ARHGAP6: variants seen among roughly 807,000 people sequenced by gnomAD.
The protein encoded by ARHGAP6 is rho GTPase-activating protein 6.
ARHGAP6 carries 16 observed loss-of-function variants against 55.7 expected under a neutral mutation model. That is an observed-to-expected ratio of 0.29 (90% CI 0.19 to 0.44). The LOEUF (loss-of-function observed/expected upper bound fraction) is 0.44, where lower values mean the gene tolerates loss of function less well. ARHGAP6 is among the 20% of genes least tolerant of loss of function. ARHGAP6 has a pLI of 1.00. For synonymous variants in ARHGAP6, 382 were observed against 360.9 expected (o/e 1.06, Z -0.66); for missense variants, 698 against 808.9 (o/e 0.86, Z 1.66).
intron 2 of ARHGAP6, among the ~76,000 whole-genome samples, chrX:11,214,406 C>T (rs2046848338): frequency 8.9e-6 from 1 of 112,550 alleles, no homozygotes; most frequent in African/African-American, 3.2e-5. Flanking sequence ...GTTGGAAGCA[C>T]ACAGGGCATG....
At chrX:11,190,480 T>TAC (rs201448949) in intron 3 of ARHGAP6, among the ~76,000 whole-genome samples, 17 of 99,521 alleles carry the variant, frequency 1.7e-4, no homozygotes, top group African/African-American at 4.4e-4. Flanking sequence ...TATATATATA[T>TAC]ACATATATCT....
intron 1 of ARHGAP6, among the ~76,000 whole-genome samples, chrX:11,525,574 C>A (rs1011552985): frequency 8.9e-6 from 1 of 111,872 alleles, no homozygotes; most frequent in African/African-American, 3.3e-5. Flanking sequence ...GCTTTTACTA[C>A]CCCATACTGC....
intron 1 of ARHGAP6, among the ~76,000 whole-genome samples, chrX:11,492,195 G>T (rs1403981341): frequency 8.3e-5 from 9 of 108,251 alleles, no homozygotes; most frequent in African/African-American, 3.0e-4. Context: ...CTTTTGCTGT[G>T]CAGAAGCTCT....
At chrX:11,663,334 C>G (rs1421588802) in intron 1 of ARHGAP6, among the ~76,000 whole-genome samples, 1 of 111,944 alleles carries the variant, frequency 8.9e-6, no homozygotes, top group Non-Finnish European at 1.9e-5. Flanking sequence ...TAAATTACAA[C>G]TGATGGAATC....
chrX:11,518,805 C>T (rs1366457705), intron 1 of ARHGAP6, among the ~76,000 whole-genome samples: 1 of 66,763 alleles, frequency 1.5e-5, no homozygotes, highest in African/African-American at 6.0e-5. Flanking sequence ...CCACCACAGT[C>T]CCCAGAGTGT....
intron 1 of ARHGAP6, among the ~76,000 whole-genome samples, chrX:11,413,624 G>GT (rs1207922954): frequency 9.0e-6 from 1 of 111,647 alleles, no homozygotes; most frequent in Non-Finnish European, 1.9e-5. Context: ...TCTGGATACA[G>GT]TAACATAAAA....
At chrX:11,372,270 C>CTA (rs1309442749) in intron 1 of ARHGAP6, among the ~76,000 whole-genome samples, 6 of 111,871 alleles carry the variant, frequency 5.4e-5, no homozygotes, top group African/African-American at 1.9e-4. Context: ...TATATACTGA[C>CTA]TATATGTTTA....
intron 1 of ARHGAP6, among the ~76,000 whole-genome samples, chrX:11,583,992 G>T (rs1245049173): frequency 8.9e-6 from 1 of 111,779 alleles, no homozygotes; most frequent in Non-Finnish European, 1.9e-5. Context: ...TATAAGAAAA[G>T]ATTTCTTTAA....
At chrX:11,390,553 C>T (rs1181815126) in intron 1 of ARHGAP6, among the ~76,000 whole-genome samples, 2 of 110,928 alleles carry the variant, frequency 1.8e-5, no homozygotes, top group African/African-American at 3.3e-5. Flanking sequence ...AAAATTTTTG[C>T]AATCTACTCA....
chrX:11,457,537 T>C (rs149972740), intron 1 of ARHGAP6, among the ~76,000 whole-genome samples: 2,584 of 111,645 alleles, frequency 0.023, 78 homozygotes, highest in African/African-American at 0.079. Context: ...TTTGAAAAGA[T>C]ATTCCAAAAG....
chrX:11,332,990 A>C (rs1427577155), intron 1 of ARHGAP6, among the ~76,000 whole-genome samples: 1 of 111,643 alleles, frequency 9.0e-6, no homozygotes, highest in African/African-American at 3.3e-5. Context: ...TCTGCTTTCC[A>C]TATTCAATGA....
chrX:11,587,511 C>T (rs1210164632), intron 1 of ARHGAP6, among the ~76,000 whole-genome samples: 2 of 111,752 alleles, frequency 1.8e-5, no homozygotes, highest in East Asian at 5.6e-4. Flanking sequence ...CCAAGAACTA[C>T]AGCCAGCAAG....
intron 3 of ARHGAP6, among the ~76,000 whole-genome samples, chrX:11,195,929 C>T (rs1032691860): frequency 1.4e-4 from 12 of 82,773 alleles, no homozygotes; most frequent in African/African-American, 4.4e-4. Flanking sequence ...TCCTGGCTAA[C>T]GTGGTGAAAC....
At chrX:11,652,832 G>A (rs1284774288) in intron 1 of ARHGAP6, among the ~76,000 whole-genome samples, 1 of 111,836 alleles carries the variant, frequency 8.9e-6, no homozygotes, top group Non-Finnish European at 1.9e-5. Context: ...ATTTAAGCAC[G>A]ACATGGATGT....
intron 1 of ARHGAP6, among the ~76,000 whole-genome samples, chrX:11,356,513 T>A (rs915326746): frequency 8.9e-6 from 1 of 112,235 alleles, no homozygotes; most frequent in Admixed American, 9.4e-5. Context: ...CTAGGATATA[T>A]GACCTCAACC....
At chrX:11,177,493 G>A (rs1328539643) in intron 8 of ARHGAP6, among the ~76,000 whole-genome samples, 1 of 110,899 alleles carries the variant, frequency 9.0e-6, no homozygotes, top group Non-Finnish European at 1.9e-5. Flanking sequence ...AAGACACAAT[G>A]GCAATGGTCA....
chrX:11,235,409 A>C (rs1448286708), intron 2 of ARHGAP6, among the ~76,000 whole-genome samples: 1 of 110,689 alleles, frequency 9.0e-6, no homozygotes, highest in Non-Finnish European at 1.9e-5. Context: ...TTTCCCTCCT[A>C]GGCCTTTGGG....
At chrX:11,257,146 T>A (rs1281290733) in intron 1 of ARHGAP6, among the ~76,000 whole-genome samples, 1 of 111,860 alleles carries the variant, frequency 8.9e-6, no homozygotes, top group Non-Finnish European at 1.9e-5. Flanking sequence ...GAATTTTTTT[T>A]ATTATTATTT....
intron 1 of ARHGAP6, among the ~76,000 whole-genome samples, chrX:11,292,369 GA>G (rs1319379971): frequency 2.7e-5 from 3 of 111,831 alleles, no homozygotes; most frequent in Non-Finnish European, 5.6e-5. Flanking sequence ...TACCAAGGTA[GA>G]GGGGTAAAAC....
Sources: gnomAD v4.1 joint callset for allele counts (sites outside exome capture counted in the v4.1 genomes callset) on GRCh38, gnomAD v4.1.1 for gene constraint, MANE v1.5 for transcripts, NCBI Gene and HGNC (gene_info 2026-07-23, HGNC 2026-07-21) for gene names.